Variants in TPX2 observed in about 807,000 individuals in gnomAD.
The protein encoded by TPX2 is targeting protein for Xklp2.
A neutral mutation model predicts 93.6 loss-of-function variants in TPX2; 21 were observed. The observed-to-expected ratio is 0.22, with a 90% confidence interval of 0.16 to 0.32. The LOEUF is 0.32. TPX2 is among the 10% of genes least tolerant of loss of function. The pLI, the probability that TPX2 is intolerant of heterozygous loss-of-function variation, is 1.00. For missense variants in TPX2, 776 were observed against 871.1 expected (o/e 0.89, Z 1.37); for synonymous variants, 281 against 298.3 (o/e 0.94, Z 0.60).
In TPX2 at chr20:31,757,524, C is replaced by A; in HGVS notation, c.48C>A (p.Phe16Leu). The A allele has an allele frequency of 1.2e-6, 2 of 1,614,032 alleles. No homozygotes were observed. The highest frequency in any genetic ancestry group is 1.7e-6 in the Non-Finnish European group (2 of 1,180,002). The change falls in exon 3 of 18, where the codon TTC becomes TTA. Residue 16 changes from phenylalanine (F) to leucine (L), a missense_variant. Phe to Leu is a conservative substitution (Grantham distance 22). This residue lies in a region of TPX2 where 36 missense variants were observed against 58.3 expected (regional missense o/e 0.62). Transcript: ENST00000300403. ...SSYSYDAPSD[F>L]INFSSLDDEG... The stretch of plus-strand genomic sequence containing the variant: ...ATTCCTATGATGCCCCCTCGGATTT[C>A]ATCAATTTTTCATCCTTGGATGATG...
chr20:31,775,833 C>T (rs770851902), intron 7 of TPX2, 34 bp from the exon 8 acceptor site: 1 of 1,470,978 alleles, frequency 6.8e-7, no homozygotes, highest in South Asian at 1.5e-5. Flanking sequence ...CCTTTCTCCT[C>T]TCCTCTCTTC....
At chr20:31,779,114 GA>G in intron 10 of TPX2, 130 bp downstream of exon 10, 1 of 997,174 alleles carries the variant, frequency 1.0e-6, no homozygotes, top group Non-Finnish European at 1.4e-6. Flanking sequence ...TGACTATGCA[GA>G]CAACAAATGT....
intron 4 of TPX2, among the ~76,000 whole-genome samples, chr20:31,764,077 A>G (rs74199889): frequency 6.6e-6 from 1 of 150,722 alleles, no homozygotes; most frequent in Admixed American, 6.6e-5. Flanking sequence ...ATATATACAC[A>G]CAAGCATATA....
chr20:31,783,245 A>G (rs951079678), intron 11 of TPX2, among the ~76,000 whole-genome samples: 1 of 151,318 alleles, frequency 6.6e-6, no homozygotes, highest in Non-Finnish European at 1.5e-5. Flanking sequence ...TTCTTTTATT[A>G]TTTTTTATTT....
chr20:31,798,423 C>T lies in TPX2; in HGVS notation c.2004C>T (p.Ala668=), dbSNP rs192921416. 1.2e-5 allele frequency: 19 copies of T among 1,613,950 alleles called. No homozygotes were observed. The Admixed American group carries it at 3.2e-4, about 27-fold the overall frequency. Residue 668 remains alanine, a synonymous_variant, in exon 17 of 18, where the codon GCC becomes GCT. Coordinates refer to ENST00000300403, the MANE Select transcript of TPX2 (RefSeq NM_012112.5). ...TTCAGCTGGCTACTGAGAAGAGAGC[C>T]AAAGAGCGGCAGGAGCTGGAGAAGA... ...EPFQLATEKR[A]KERQELEKRM...
chr20:31,796,850 G>GT (rs971490071), intron 15 of TPX2, among the ~76,000 whole-genome samples: 17 of 150,902 alleles, frequency 1.1e-4, no homozygotes, highest in African/African-American at 3.4e-4. Flanking sequence ...AAAATTTTTT[G>GT]TTTTTTTTAA....
chr20:31,750,248 C>A (rs1001287312), intron 2 of TPX2, among the ~76,000 whole-genome samples: 7 of 152,036 alleles, frequency 4.6e-5, no homozygotes, highest in Non-Finnish European at 8.8e-5. Flanking sequence ...ACCTCCACCC[C>A]CCAGGTTCAA....
At chr20:31,773,228 T>G (rs1450702707) in intron 7 of TPX2, among the ~76,000 whole-genome samples, 1 of 149,532 alleles carries the variant, frequency 6.7e-6, no homozygotes, top group Non-Finnish European at 1.5e-5. Context: ...TTCGGCTCAC[T>G]GCAACCTCTG....
chr20:31,759,770 C>T (rs996589784), intron 3 of TPX2, among the ~76,000 whole-genome samples: 1 of 151,912 alleles, frequency 6.6e-6, no homozygotes, highest in African/African-American at 2.4e-5. Context: ...TTGTATGACC[C>T]TAAATGTGTA....
At chr20:31,750,961 G>A (rs1041345706) in intron 2 of TPX2, among the ~76,000 whole-genome samples, 1 of 152,078 alleles carries the variant, frequency 6.6e-6, no homozygotes, top group African/African-American at 2.4e-5. Context: ...ACGTTAGAGT[G>A]CAGTGGTGCA....
chr20:31,774,641 A>G (rs887296953), intron 7 of TPX2, among the ~76,000 whole-genome samples: 1 of 152,238 alleles, frequency 6.6e-6, no homozygotes, highest in Non-Finnish European at 1.5e-5. Context: ...TCTCAAGATC[A>G]TTATAGGCAG....
intron 6 of TPX2, 125 bp from the exon 7 acceptor site, chr20:31,771,435 G>A: frequency 1.6e-6 from 2 of 1,240,236 alleles, no homozygotes; most frequent in African/African-American, 3.1e-5. Context: ...GAATCATGTG[G>A]TCGAAGCATG....
chr20:31,782,313 A>G lies in TPX2; in HGVS notation c.1119A>G (p.Gln373=). ...GAGACCCACAGACTCCTGTACTGCA[A>G]ACCAAACACCGTGCACGGGCTGTGA... ...ICRDPQTPVL[Q]TKHRARAVTC... Residue 373 remains glutamine, a synonymous_variant, in exon 11 of 18, where the codon CAA becomes CAG. Coordinates refer to ENST00000300403, the MANE Select transcript of TPX2 (RefSeq NM_012112.5). 1.9e-6 allele frequency: 3 copies of G among 1,614,002 alleles called. No homozygotes were observed. The highest frequency in any genetic ancestry group is 2.5e-6 in the Non-Finnish European group (3 of 1,179,962).
At chr20:31,800,838 C>G in intron 17 of TPX2, 132 bp from the exon 18 acceptor site, 1 of 757,250 alleles carries the variant, frequency 1.3e-6, no homozygotes, top group Non-Finnish European at 2.3e-6. Context: ...AGGCCCCACT[C>G]CCCACACCTG....
intron 5 of TPX2, 47 bp downstream of exon 5, chr20:31,766,729 AAGGAT>A: frequency 6.9e-6 from 11 of 1,589,090 alleles, no homozygotes; most frequent in Non-Finnish European, 9.4e-6. Flanking sequence ...ATAATGTTCA[AAGGAT>A]AGTTACTGGA....
chr20:31,775,864 T>A lies in TPX2; in HGVS notation c.609-3T>A. 1 of 1,556,614 alleles carries A rather than the reference T, an allele frequency of 6.4e-7. No individual in the cohort carries two copies. The highest frequency in any genetic ancestry group is 8.7e-7 in the Non-Finnish European group (1 of 1,151,916). ...TCTTCTCATTTACTGATTTTCTCTT[T>A]AGGCAGAAGTTTCTAAAAAGTACTG... On this transcript the variant is annotated splice_polypyrimidine_tract_variant and splice_region_variant and intron_variant, in intron 7 of 17. Coordinates refer to ENST00000300403, the MANE Select transcript of TPX2 (RefSeq NM_012112.5).
rs1469673871 is a variant in TPX2 at position 31,750,063 on chromosome 20, G to T, written c.-70-7344G>T. Among the ~76,000 whole-genome samples, 3 of 151,094 alleles carry T rather than the reference G, an allele frequency of 2.0e-5. No homozygotes were observed. The East Asian group carries it at 5.9e-4, about 30-fold the overall frequency. ...AGCTATTCTCCTGCCTCTGCCTCCCGAGTAGCTGGGACTACAGGCGCATGC... is the reference window on the plus strand; with the variant it reads ...AGCTATTCTCCTGCCTCTGCCTCCCTAGTAGCTGGGACTACAGGCGCATGC... On this transcript the variant is annotated intron_variant, in intron 2 of 17. Transcript: ENST00000300403.
chr20:31,750,452 CTATTTATT>C (rs60982252), intron 2 of TPX2, among the ~76,000 whole-genome samples: 41,633 of 146,558 alleles, frequency 0.28, 7,653 homozygotes, highest in African/African-American at 0.51. Context: ...CCGTGCCCGG[CTATTTATT>C]TATTTATTTA....
At chr20:31,781,059 A>G (rs1264100185) in intron 10 of TPX2, 1 of 252,132 alleles carries the variant, frequency 4.0e-6, no homozygotes, top group Non-Finnish European at 7.9e-6. Flanking sequence ...AATTGGGACT[A>G]TATATAGGTG....
Sources: gnomAD v4.1 joint callset for allele counts (sites outside exome capture counted in the v4.1 genomes callset) on GRCh38, gnomAD v4.1.1 for gene constraint, gnomAD v4.1.1 regional missense constraint, MANE v1.5 for transcripts, NCBI Gene and HGNC (gene_info 2026-07-23, HGNC 2026-07-21) for gene names.